The following NEDD4 variants were observed in gnomAD, a reference collection of about 807,000 sequenced individuals.
NEDD4 encodes the protein E3 ubiquitin-protein ligase NEDD4.
Under a neutral mutation model 144.9 loss-of-function variants are expected in NEDD4, and 99 were observed. The ratio of observed to expected loss-of-function variants is 0.68; its 90% confidence interval spans 0.58 to 0.81. The LOEUF is 0.81. NEDD4 is among the 30% of genes least tolerant of loss of function. The probability of loss-of-function intolerance (pLI) is 0.00; values close to 1 mark genes in which losing one functional copy is unlikely to be tolerated. For synonymous variants in NEDD4, 318 were observed against 350.6 expected (o/e 0.91, Z 1.04); for missense variants, 985 against 1,065.9 (o/e 0.92, Z 1.06).
chr15:55,939,071 G>A (rs561055564), intron 4 of NEDD4, among the ~76,000 whole-genome samples: 5 of 152,146 alleles, frequency 3.3e-5, no homozygotes, highest in South Asian at 2.1e-4. Flanking sequence ...GTGCCACTGC[G>A]CTCCAACCTG....
At chr15:55,878,352 G>A (rs2035066167) in intron 5 of NEDD4, among the ~76,000 whole-genome samples, 1 of 151,816 alleles carries the variant, frequency 6.6e-6, no homozygotes, top group African/African-American at 2.4e-5. Flanking sequence ...CATTAAAATG[G>A]GCATAAGACT....
chr15:55,867,665 A>G (rs2034630346), intron 8 of NEDD4, among the ~76,000 whole-genome samples: 1 of 152,240 alleles, frequency 6.6e-6, no homozygotes, highest in South Asian at 2.1e-4. Flanking sequence ...TACGAAAATC[A>G]GAGAAAAATA....
At chr15:55,942,554 G>A (rs893791714) in intron 4 of NEDD4, among the ~76,000 whole-genome samples, 7 of 152,098 alleles carry the variant, frequency 4.6e-5, no homozygotes, top group Admixed American at 2.0e-4. Flanking sequence ...TGTTAGATGA[G>A]CCTGCTTCCC....
chr15:55,976,888 C>G (rs1324776992), intron 1 of NEDD4, among the ~76,000 whole-genome samples: 1 of 152,092 alleles, frequency 6.6e-6, no homozygotes, highest in Non-Finnish European at 1.5e-5. Flanking sequence ...CCGCCTTGGC[C>G]TCCCGAAGTG....
At chr15:55,910,802 A>G (rs575986370) in intron 5 of NEDD4, among the ~76,000 whole-genome samples, 1 of 152,318 alleles carries the variant, frequency 6.6e-6, no homozygotes, top group South Asian at 2.1e-4. Flanking sequence ...AGTTCATAAC[A>G]TCACTGTTAA....
At chr15:55,947,557 C>T (rs531769645) in intron 4 of NEDD4, among the ~76,000 whole-genome samples, 1 of 152,130 alleles carries the variant, frequency 6.6e-6, no homozygotes, top group African/African-American at 2.4e-5. Context: ...CAGGACCAGA[C>T]GTATTCACAG....
At chr15:55,982,018 T>C (rs1237046691) in intron 1 of NEDD4, among the ~76,000 whole-genome samples, 12 of 152,220 alleles carry the variant, frequency 7.9e-5, no homozygotes, top group African/African-American at 2.9e-4. Context: ...ATCTGTTTTT[T>C]ATACACAAAG....
chr15:55,832,455 C>A (rs1187643849), intron 27 of NEDD4, among the ~76,000 whole-genome samples: 1 of 152,118 alleles, frequency 6.6e-6, no homozygotes, highest in African/African-American at 2.4e-5. Context: ...CAGTCTGTCA[C>A]CCAGGCTGAA....
chr15:55,850,107 T>C (rs2033923522), intron 14 of NEDD4, among the ~76,000 whole-genome samples: 2 of 152,154 alleles, frequency 1.3e-5, no homozygotes, highest in Admixed American at 1.3e-4. Context: ...CTTTAGGTAA[T>C]TTTTCTATTA....
chr15:55,931,869 A>G (rs2036788587), intron 4 of NEDD4, among the ~76,000 whole-genome samples: 1 of 152,214 alleles, frequency 6.6e-6, no homozygotes, highest in Non-Finnish European at 1.5e-5. Context: ...CATTTTTACC[A>G]TTACAAAATG....
intron 5 of NEDD4, among the ~76,000 whole-genome samples, chr15:55,885,690 A>G (rs1167574287): frequency 6.6e-6 from 1 of 152,190 alleles, no homozygotes; most frequent in African/African-American, 2.4e-5. Context: ...AAGACATACA[A>G]AAGATACACA....
intron 2 of NEDD4, among the ~76,000 whole-genome samples, chr15:55,958,240 G>T (rs1321214549): frequency 1.3e-5 from 2 of 152,130 alleles, no homozygotes. Flanking sequence ...TCATGACTGG[G>T]TGTTACATTT....
chr15:55,877,402 G>T (rs1447973691), intron 5 of NEDD4, among the ~76,000 whole-genome samples: 1 of 152,124 alleles, frequency 6.6e-6, no homozygotes, highest in Non-Finnish European at 1.5e-5. Context: ...TACCATAAAG[G>T]TGATGCTTGT....
intron 1 of NEDD4, among the ~76,000 whole-genome samples, chr15:55,982,375 G>C (rs1274755506): frequency 2.6e-5 from 4 of 152,096 alleles, no homozygotes; most frequent in Non-Finnish European, 5.9e-5. Flanking sequence ...CAATCAATGT[G>C]TCCATCGAAG....
rs774863320 is a variant in NEDD4, at chr15:55,848,825, T to C, written c.1409A>G (p.Asn470Ser). The stretch of plus-strand genomic sequence containing the variant: ...ACTTACAGGTAAAGGCCCTAGATCA[T>C]TGGAAGTATCAAGTGATGTCTTTCC... ...LRGKTSLDTS[N>S]DLGPLPPGWE... The change falls in exon 15 of 29, where the codon AAT becomes AGT. Residue 470 changes from asparagine to serine, a missense_variant. By Grantham distance (46) the Asn-to-Ser change is conservative. Coordinates refer to ENST00000435532, the MANE Select transcript of NEDD4 (RefSeq NM_006154.4). 25 of 1,613,600 alleles carry C rather than the reference T, an allele frequency of 1.5e-5. No individual in the cohort carries two copies. Among genetic ancestry groups the C allele is most frequent in the African/African-American group, 8.0e-5 (6 of 74,932 alleles).
chr15:55,913,365 C>T (rs1267972236), intron 5 of NEDD4, among the ~76,000 whole-genome samples: 2 of 151,802 alleles, frequency 1.3e-5, no homozygotes, highest in African/African-American at 4.8e-5. Flanking sequence ...TTTCTAAAAC[C>T]CATTATTGTT....
chr15:55,933,282 A>G (rs1266346574), intron 4 of NEDD4, among the ~76,000 whole-genome samples: 2 of 152,088 alleles, frequency 1.3e-5, no homozygotes, highest in African/African-American at 2.4e-5. Flanking sequence ...AACCAACCCA[A>G]ATGTCCATCA....
chr15:55,957,887 C>T (rs1029686197), intron 2 of NEDD4, among the ~76,000 whole-genome samples: 1 of 152,254 alleles, frequency 6.6e-6, no homozygotes, highest in African/African-American at 2.4e-5. Context: ...AAACCAAACA[C>T]CGCATGTTCT....
At chr15:55,877,827 T>C (rs2035046329) in intron 5 of NEDD4, among the ~76,000 whole-genome samples, 1 of 152,198 alleles carries the variant, frequency 6.6e-6, no homozygotes, top group Non-Finnish European at 1.5e-5. Context: ...TTATAAGATA[T>C]AATCCATTAT....
Sources: gnomAD v4.1 joint callset for allele counts (sites outside exome capture counted in the v4.1 genomes callset) on GRCh38, gnomAD v4.1.1 for gene constraint, MANE v1.5 for transcripts, NCBI Gene and HGNC (gene_info 2026-07-23, HGNC 2026-07-21) for gene names.